Variants in FHIT observed in about 807,000 individuals in gnomAD.
FHIT encodes the protein bis(5'-adenosyl)-triphosphatase.
In FHIT, 19 loss-of-function variants were observed where a neutral mutation model predicts 17.9. The observed-to-expected ratio is 1.06, with a 90% confidence interval of 0.74 to 1.56. The LOEUF is 1.56. Ranked by LOEUF, FHIT falls within the 40% of genes most tolerant of loss-of-function variation. The probability of loss-of-function intolerance (pLI) is 0.00; values close to 1 mark genes in which losing one functional copy is unlikely to be tolerated. For synonymous variants in FHIT, 81 were observed against 69.7 expected (o/e 1.16, Z -0.81); for missense variants, 248 against 189.2 (o/e 1.31, Z -1.82).
intron 1 of FHIT, among the ~76,000 whole-genome samples, chr3:61,221,667 C>T (rs1205941554): frequency 6.6e-6 from 1 of 152,198 alleles, no homozygotes; most frequent in Non-Finnish European, 1.5e-5. Flanking sequence ...ACATGCAAGT[C>T]AGTCCAAGGA....
In FHIT at chr3:60,706,467, C is replaced by T. The variant is rs182862582; in HGVS notation, c.-18+115452G>A. On this transcript the variant is annotated intron_variant, in intron 4 of 9. Transcript: ENST00000492590. ...GAATCATGATTTTAAAAAATAAATT[C>T]ACAGTGGTGTTGAAAGATCATATCA... 1.6e-4 allele frequency among the ~76,000 whole-genome samples: 25 copies of T among 152,274 alleles called. No individual in the cohort carries two copies. The East Asian group carries it at 4.8e-3, about 29-fold the overall frequency.
chr3:60,228,899 G>T (rs578048142), intron 5 of FHIT, among the ~76,000 whole-genome samples: 1 of 152,166 alleles, frequency 6.6e-6, no homozygotes, highest in Admixed American at 6.5e-5. Flanking sequence ...AAAATACGTA[G>T]AACATTACTG....
chr3:59,812,254 A>G (rs1700433604), intron 8 of FHIT, among the ~76,000 whole-genome samples: 1 of 152,194 alleles, frequency 6.6e-6, no homozygotes, highest in South Asian at 2.1e-4. Context: ...CAGAAGGTCT[A>G]AACAGGGTCT....
chr3:59,803,243 C>T (rs1700069463), intron 8 of FHIT, among the ~76,000 whole-genome samples: 1 of 152,200 alleles, frequency 6.6e-6, no homozygotes, highest in African/African-American at 2.4e-5. Flanking sequence ...GATATCCCTC[C>T]CAATTTATAA....
chr3:60,264,465 A>G (rs1706469806), intron 5 of FHIT, among the ~76,000 whole-genome samples: 1 of 145,068 alleles, frequency 6.9e-6, no homozygotes, highest in Non-Finnish European at 1.6e-5. Flanking sequence ...GAAATACTCA[A>G]CTTAAGAAAA....
intron 3 of FHIT, among the ~76,000 whole-genome samples, chr3:60,857,683 C>T (rs553072048): frequency 6.6e-6 from 1 of 152,180 alleles, no homozygotes; most frequent in African/African-American, 2.4e-5. Flanking sequence ...GTAATCCCAA[C>T]TTTGGGATGC....
intron 5 of FHIT, among the ~76,000 whole-genome samples, chr3:60,512,664 C>A (rs115832560): frequency 7.2e-5 from 11 of 152,292 alleles, no homozygotes; most frequent in African/African-American, 2.4e-4. Context: ...ATGCCAATAG[C>A]CTGACAGGAT....
In FHIT at chr3:60,130,984, C is replaced by CATATATACACATATATACATATGTGT. The variant is rs1486079684; in HGVS notation, c.104-116858_104-116833dup. Among the ~76,000 whole-genome samples the CATATATACACATATATACATATGTGT allele has an allele frequency of 6.5e-3, 581 of 90,022 alleles. 36 individuals carry two copies. The highest frequency in any genetic ancestry group is 0.046 in the South Asian group (98 of 2,140). The allele number at this position is 90,022 out of a possible 152,430, so 59.1% of individuals were successfully genotyped here. A position where few individuals can be genotyped will look rare whatever the true frequency, so the allele number is the denominator to read the frequency against. ...ACCAGTAGAAAGGTATATATATACACATATATACACATATATACATATGTG... is the reference window on the plus strand; with the variant it reads ...ACCAGTAGAAAGGTATATATATACACATATATACACATATATACATATGTGTATATATACACATATATACATATGTG... On this transcript the variant is annotated intron_variant, in intron 5 of 9. Transcript: ENST00000492590.
At chr3:60,315,909 T>G (rs1709145110) in intron 5 of FHIT, among the ~76,000 whole-genome samples, 1 of 152,216 alleles carries the variant, frequency 6.6e-6, no homozygotes, top group Non-Finnish European at 1.5e-5. Context: ...GGCCACGTTA[T>G]CATTGTTTTC....
chr3:60,857,120 A>G (rs1347582047), intron 3 of FHIT, among the ~76,000 whole-genome samples: 1 of 152,180 alleles, frequency 6.6e-6, no homozygotes, highest in African/African-American at 2.4e-5. Context: ...ACAAGCCTGA[A>G]CATACATACA....
At chr3:60,275,805 T>G (rs1707102266) in intron 5 of FHIT, among the ~76,000 whole-genome samples, 1 of 152,172 alleles carries the variant, frequency 6.6e-6, no homozygotes, top group South Asian at 2.1e-4. Context: ...CATGTGGTCT[T>G]TCGGCATCAG....
At chr3:60,454,952 C>T (rs2031993807) in intron 5 of FHIT, among the ~76,000 whole-genome samples, 1 of 151,844 alleles carries the variant, frequency 6.6e-6, no homozygotes, top group Admixed American at 6.6e-5. Flanking sequence ...CATAATAAAC[C>T]CAAGTTTACT....
chr3:60,300,569 T>C (rs1314330190), intron 5 of FHIT, among the ~76,000 whole-genome samples: 1 of 152,124 alleles, frequency 6.6e-6, no homozygotes, highest in African/African-American at 2.4e-5. Flanking sequence ...CCTTCCACAG[T>C]TGTGGTCGTA....
chr3:60,242,051 T>C (rs1036616425), intron 5 of FHIT, among the ~76,000 whole-genome samples: 4 of 152,094 alleles, frequency 2.6e-5, no homozygotes, highest in Non-Finnish European at 4.4e-5. Flanking sequence ...ACAGGGTGTG[T>C]ATGTAATTAC....
intron 4 of FHIT, among the ~76,000 whole-genome samples, chr3:60,819,656 A>G (rs2106759111): frequency 6.6e-6 from 1 of 152,312 alleles, no homozygotes; most frequent in East Asian, 1.9e-4. Flanking sequence ...CCACCTTGCT[A>G]ACCACTTTAC....
At chr3:60,623,917 C>A (rs2039206210) in intron 4 of FHIT, among the ~76,000 whole-genome samples, 1 of 152,178 alleles carries the variant, frequency 6.6e-6, no homozygotes, top group Non-Finnish European at 1.5e-5. Flanking sequence ...ATCTCCTATG[C>A]ATCAGGCACT....
chr3:60,363,037 A>C (rs1163944797), intron 5 of FHIT, among the ~76,000 whole-genome samples: 1 of 152,182 alleles, frequency 6.6e-6, no homozygotes, highest in Non-Finnish European at 1.5e-5. Context: ...TCAAATGTGG[A>C]TGTTCATTAT....
At chr3:60,484,068 C>G (rs189543214) in intron 5 of FHIT, among the ~76,000 whole-genome samples, 2 of 152,186 alleles carry the variant, frequency 1.3e-5, no homozygotes, top group African/African-American at 4.8e-5. Flanking sequence ...TGAATGAACT[C>G]CCATTCACAA....
At chr3:60,493,596 T>C (rs1033706858) in intron 5 of FHIT, among the ~76,000 whole-genome samples, 5 of 152,202 alleles carry the variant, frequency 3.3e-5, no homozygotes, top group African/African-American at 1.2e-4. Context: ...GATATTAATT[T>C]CAGTTTAATG....
Sources: allele counts gnomAD v4.1 joint callset (sites outside exome capture counted in the v4.1 genomes callset), GRCh38; gene constraint gnomAD v4.1.1; transcripts MANE v1.5; gene names NCBI Gene and HGNC (gene_info 2026-07-23, HGNC 2026-07-21).